The following LDLRAD4 variants were observed in gnomAD, a reference collection of about 807,000 sequenced individuals.
LDLRAD4 encodes low-density lipoprotein receptor class A domain-containing protein 4.
LDLRAD4 carries 5 observed loss-of-function variants against 17.0 expected under a neutral mutation model. The ratio of observed to expected loss-of-function variants is 0.29; its 90% CI spans 0.15 to 0.62. LDLRAD4 has a LOEUF of 0.62. Among genes scored for constraint, LDLRAD4 ranks in the 20% least tolerant of loss-of-function variants. The pLI is 0.84. For synonymous variants in LDLRAD4, 168 were observed against 171.8 expected, an observed-to-expected ratio of 0.98 and a Z score of 0.17; for missense variants, 340 against 424.7, an observed-to-expected ratio of 0.80 and a Z score of 1.75.
chr18:13,311,072 T>A (rs1353142568), intron 1 of LDLRAD4, among the ~76,000 whole-genome samples: 4 of 152,174 alleles, frequency 2.6e-5, no homozygotes, highest in Non-Finnish European at 5.9e-5. Flanking sequence ...AAATAAAAAC[T>A]CTATTGTTGG....
intron 1 of LDLRAD4, among the ~76,000 whole-genome samples, chr18:13,345,769 C>G (rs966978464): frequency 1.3e-5 from 2 of 152,126 alleles, no homozygotes; most frequent in African/African-American, 4.8e-5. Context: ...TGTTATTGGT[C>G]TATTCAGAGA....
intron 1 of LDLRAD4, among the ~76,000 whole-genome samples, chr18:13,295,219 C>CA (rs2046206192): frequency 6.6e-6 from 1 of 152,230 alleles, no homozygotes; most frequent in Non-Finnish European, 1.5e-5. Context: ...AATTTCCCCT[C>CA]ACACAGGGCT....
chr18:13,489,174 G>A (rs1218985534), intron 3 of LDLRAD4: 1 of 98,030 alleles, frequency 1.0e-5, no homozygotes, highest in Admixed American at 1.1e-4. Context: ...TTTTTTTTGA[G>A]TTGGAGTTTC....
At chr18:13,258,065 G>T (rs2043603186) in intron 1 of LDLRAD4, among the ~76,000 whole-genome samples, 1 of 152,058 alleles carries the variant, frequency 6.6e-6, no homozygotes, top group Non-Finnish European at 1.5e-5. Context: ...AAGAAAGAAA[G>T]AAAAAAGCAT....
chr18:13,386,953 T>C (rs1475005793), intron 1 of LDLRAD4, among the ~76,000 whole-genome samples: 1 of 90,140 alleles, frequency 1.1e-5, no homozygotes, highest in African/African-American at 5.0e-5. Context: ...GATAGATGGA[T>C]GGATGGATAG....
At chr18:13,487,939 G>A (rs1249144440) in intron 3 of LDLRAD4, 1 of 152,784 alleles carries the variant, frequency 6.5e-6, no homozygotes, top group Non-Finnish European at 1.5e-5. Flanking sequence ...CAGGGGCCTG[G>A]TCAGGGTCTC....
At chr18:13,366,675 A>T (rs1342488020) in intron 1 of LDLRAD4, among the ~76,000 whole-genome samples, 1 of 152,108 alleles carries the variant, frequency 6.6e-6, no homozygotes, top group East Asian at 1.9e-4. Context: ...ATCCCTCTCA[A>T]AACAGTTACT....
At chr18:13,337,563 A>C (rs1261612672) in intron 1 of LDLRAD4, among the ~76,000 whole-genome samples, 1 of 152,132 alleles carries the variant, frequency 6.6e-6, no homozygotes, top group Non-Finnish European at 1.5e-5. Flanking sequence ...CAACTTGATC[A>C]GTGTTACCCA....
At chr18:13,617,884 C>A (rs1156585267) in intron 3 of LDLRAD4, among the ~76,000 whole-genome samples, 2 of 152,268 alleles carry the variant, frequency 1.3e-5, no homozygotes, top group Admixed American at 1.3e-4. Context: ...CCTGGGACAG[C>A]CTAAACGAAT....
intron 3 of LDLRAD4, among the ~76,000 whole-genome samples, chr18:13,559,875 G>T (rs551547282): frequency 4.3e-4 from 63 of 146,110 alleles, no homozygotes; most frequent in African/African-American, 1.6e-3. Context: ...CTGGTACACA[G>T]CCTCTGCTTG....
chr18:13,474,953 T>C (rs1454027474), intron 3 of LDLRAD4, among the ~76,000 whole-genome samples: 1 of 152,108 alleles, frequency 6.6e-6, no homozygotes, highest in African/African-American at 2.4e-5. Flanking sequence ...AGATGGTTTA[T>C]GGGTCATAGA....
At chr18:13,640,166 G>A (rs1476362037) in intron 4 of LDLRAD4, among the ~76,000 whole-genome samples, 3 of 151,788 alleles carry the variant, frequency 2.0e-5, no homozygotes, top group African/African-American at 4.8e-5. Context: ...GGTGGCGGGC[G>A]CCTGTAGTCC....
chr18:13,399,812 C>T (rs765867679), intron 2 of LDLRAD4, among the ~76,000 whole-genome samples: 5 of 152,252 alleles, frequency 3.3e-5, no homozygotes, highest in Non-Finnish European at 7.3e-5. Flanking sequence ...GCCTCGGATT[C>T]TTGAAGATGC....
intron 3 of LDLRAD4, among the ~76,000 whole-genome samples, chr18:13,450,337 C>CACCA (rs1555691872): frequency 8.7e-6 from 1 of 115,496 alleles, no homozygotes; most frequent in Non-Finnish European, 1.9e-5. Flanking sequence ...CCCCCCCCCC[C>CACCA]AAAAAAACAC....
intron 1 of LDLRAD4, among the ~76,000 whole-genome samples, chr18:13,333,752 C>T (rs185853296): frequency 1.3e-5 from 2 of 152,236 alleles, no homozygotes. Context: ...CTATTATGTT[C>T]TCTTGTTCTA....
At chr18:13,355,374 G>A (rs945013825) in intron 1 of LDLRAD4, among the ~76,000 whole-genome samples, 10 of 152,204 alleles carry the variant, frequency 6.6e-5, no homozygotes, top group African/African-American at 1.7e-4. Context: ...CTACCAAGAG[G>A]ATTAGGACCC....
intron 3 of LDLRAD4, among the ~76,000 whole-genome samples, chr18:13,582,669 G>A (rs117393929): frequency 0.05 from 7,554 of 152,256 alleles, 267 homozygotes; most frequent in Non-Finnish European, 0.075. Context: ...TGGGTGGCTC[G>A]CCTCCCATGT....
intron 3 of LDLRAD4, among the ~76,000 whole-genome samples, chr18:13,551,190 G>A (rs2094431106): frequency 6.6e-6 from 1 of 152,156 alleles, no homozygotes; most frequent in Non-Finnish European, 1.5e-5. Flanking sequence ...GGTGCCAACA[G>A]CAACCCTCTT....
chr18:13,553,747 G>T (rs555837653), intron 3 of LDLRAD4, among the ~76,000 whole-genome samples: 11 of 152,178 alleles, frequency 7.2e-5, no homozygotes, highest in African/African-American at 2.4e-4. Context: ...GGAAACATTC[G>T]CCTTGCCCTG....
Sources: allele counts gnomAD v4.1 joint callset (sites outside exome capture counted in the v4.1 genomes callset), GRCh38; gene constraint gnomAD v4.1.1; transcripts MANE v1.5; gene names NCBI Gene and HGNC (gene_info 2026-07-23, HGNC 2026-07-21).